RSRC1: variants seen among roughly 807,000 people sequenced by gnomAD.
RSRC1 encodes serine/Arginine-related protein 53.
In RSRC1, 39 loss-of-function variants were observed where a neutral mutation model predicts 49.1. The observed-to-expected ratio is 0.79, with a 90% confidence interval of 0.61 to 1.04. The LOEUF is 1.04. Ranked by LOEUF, RSRC1 falls within the 50% of genes least tolerant of loss-of-function variation. The pLI is 0.00. For synonymous variants in RSRC1, 143 were observed against 130.8 expected, an observed-to-expected ratio of 1.09 and a Z score of -0.63; for missense variants, 388 against 402.4, an observed-to-expected ratio of 0.96 and a Z score of 0.31.
intron 4 of RSRC1, among the ~76,000 whole-genome samples, chr3:158,225,278 G>A (rs1316858631): frequency 6.6e-6 from 1 of 151,860 alleles, no homozygotes; most frequent in Non-Finnish European, 1.5e-5. Context: ...AGTTGTCTAA[G>A]TAACTCTTAT....
intron 4 of RSRC1, among the ~76,000 whole-genome samples, chr3:158,205,542 A>G (rs1721297915): frequency 6.6e-6 from 1 of 152,120 alleles, no homozygotes. Flanking sequence ...GTGGGAATAT[A>G]AACATGTGTA....
intron 5 of RSRC1, among the ~76,000 whole-genome samples, chr3:158,331,864 TAA>T (rs1465838780): frequency 6.6e-5 from 10 of 151,122 alleles, no homozygotes; most frequent in Non-Finnish European, 1.2e-4. Context: ...AATCATGTGG[TAA>T]AGAGTTGGAT....
chr3:158,431,132 A>T (rs1735753421), intron 6 of RSRC1, among the ~76,000 whole-genome samples: 1 of 151,932 alleles, frequency 6.6e-6, no homozygotes, highest in Non-Finnish European at 1.5e-5. Context: ...ATACTGGTAC[A>T]GCTATTTCCT....
chr3:158,281,196 G>A (rs1726142329), intron 4 of RSRC1, among the ~76,000 whole-genome samples: 2 of 152,022 alleles, frequency 1.3e-5, no homozygotes, highest in South Asian at 4.1e-4. Flanking sequence ...AAAGTGAAGT[G>A]GTTGATTCCC....
chr3:158,238,199 T>C (rs931252261), intron 4 of RSRC1, among the ~76,000 whole-genome samples: 1 of 152,154 alleles, frequency 6.6e-6, no homozygotes, highest in African/African-American at 2.4e-5. Flanking sequence ...TACAAACCAC[T>C]GCTCAACGAA....
intron 4 of RSRC1, among the ~76,000 whole-genome samples, chr3:158,235,301 T>C (rs1365986248): frequency 6.6e-6 from 1 of 152,178 alleles, no homozygotes. Context: ...TAACCCTGAT[T>C]ACTTTTGGTC....
intron 7 of RSRC1, among the ~76,000 whole-genome samples, chr3:158,526,795 A>G (rs907289688): frequency 6.6e-6 from 1 of 151,984 alleles, no homozygotes; most frequent in African/African-American, 2.4e-5. Context: ...TATACTGACT[A>G]ATGTTCAAAT....
intron 4 of RSRC1, among the ~76,000 whole-genome samples, chr3:158,290,126 G>T (rs1726837243): frequency 1.3e-5 from 2 of 152,084 alleles, no homozygotes; most frequent in South Asian, 2.1e-4. Context: ...TATTGAACCA[G>T]TATTTACTGA....
intron 6 of RSRC1, among the ~76,000 whole-genome samples, chr3:158,393,403 A>C (rs1733431179): frequency 6.6e-6 from 1 of 151,970 alleles, no homozygotes; most frequent in East Asian, 1.9e-4. Context: ...TTTCTTTGAA[A>C]GAATAAGATT....
intron 4 of RSRC1, among the ~76,000 whole-genome samples, chr3:158,278,069 A>G (rs1233401381): frequency 6.6e-6 from 1 of 152,226 alleles, no homozygotes. Flanking sequence ...AAACATCACA[A>G]CTAGACTTTA....
chr3:158,542,815 T>C (rs1043733042), intron 8 of RSRC1, among the ~76,000 whole-genome samples: 1 of 152,150 alleles, frequency 6.6e-6, no homozygotes, highest in Non-Finnish European at 1.5e-5. Flanking sequence ...GTAAATTGTA[T>C]GGTATATGAA....
intron 4 of RSRC1, among the ~76,000 whole-genome samples, chr3:158,239,031 C>A (rs572272272): frequency 1.4e-3 from 218 of 150,540 alleles, no homozygotes; most frequent in African/African-American, 4.8e-3. Context: ...GAAAAAAAAA[C>A]CATCAAAAAG....
At chr3:158,122,449 A>G (rs771858753) in intron 2 of RSRC1, 151 bp downstream of exon 2, 5 of 540,162 alleles carry the variant, frequency 9.3e-6, no homozygotes, top group Non-Finnish European at 1.6e-5. Context: ...TTGTTCCACC[A>G]GGTCCAGTCC....
intron 6 of RSRC1, among the ~76,000 whole-genome samples, chr3:158,367,748 G>A (rs1436549780): frequency 6.6e-6 from 1 of 152,002 alleles, no homozygotes; most frequent in Non-Finnish European, 1.5e-5. Flanking sequence ...AGTTGACTTG[G>A]ACATTAGTTA....
At chr3:158,480,880 C>G (rs943204467) in intron 7 of RSRC1, among the ~76,000 whole-genome samples, 1 of 151,946 alleles carries the variant, frequency 6.6e-6, no homozygotes. Flanking sequence ...TGTGAATATG[C>G]AATCACAGGT....
rs767153686 is a variant in RSRC1, at chr3:158,503,809, G to A, written c.653-33283G>A. On this transcript the variant is annotated intron_variant, in intron 7 of 9. Coordinates refer to ENST00000611884, the MANE Select transcript of RSRC1 (RefSeq NM_001271838.2). ...CTTGAGAACTTGCCCCAGACTACCC[G>A]TCTCCCAGAAAAGGGCTTGGTTCTT... Among the ~76,000 whole-genome samples, 7 of 152,008 alleles carry A rather than the reference G, an allele frequency of 4.6e-5. No homozygotes were observed. The South Asian group carries it at 6.2e-4, about 13-fold the overall frequency.
intron 3 of RSRC1, among the ~76,000 whole-genome samples, chr3:158,149,389 G>T (rs1195321056): frequency 1.3e-5 from 2 of 152,114 alleles, no homozygotes; most frequent in African/African-American, 4.8e-5. Flanking sequence ...GCCAGCTGTG[G>T]ACTGCCTGCC....
chr3:158,323,268 G>C (rs1728865404), intron 5 of RSRC1, among the ~76,000 whole-genome samples: 1 of 152,102 alleles, frequency 6.6e-6, no homozygotes, highest in Non-Finnish European at 1.5e-5. Flanking sequence ...TATTGATATT[G>C]TCTGCTTTTT....
At chr3:158,199,031 G>A (rs928714286) in intron 3 of RSRC1, among the ~76,000 whole-genome samples, 4 of 152,172 alleles carry the variant, frequency 2.6e-5, no homozygotes, top group African/African-American at 7.2e-5. Context: ...CACGTGTGGT[G>A]GGAGGGACCC....
Sources: allele counts gnomAD v4.1 joint callset (sites outside exome capture counted in the v4.1 genomes callset), GRCh38; gene constraint gnomAD v4.1.1; transcripts MANE v1.5; gene names NCBI Gene and HGNC (gene_info 2026-07-23, HGNC 2026-07-21).